The following KTN1 variants were observed in gnomAD, a reference collection of about 807,000 sequenced individuals.
The protein encoded by KTN1 is kinectin.
KTN1 carries 130 observed loss-of-function variants against 222.5 expected under a neutral mutation model. The ratio of observed to expected loss-of-function variants is 0.58; its 90% CI spans 0.51 to 0.68. The LOEUF (loss-of-function observed/expected upper bound fraction) is 0.68, where lower values mean the gene tolerates loss of function less well. Among genes scored for constraint, KTN1 ranks in the 30% least tolerant of loss-of-function variants. KTN1 has a pLI of 0.00. For synonymous variants in KTN1, 512 were observed against 496.3 expected (o/e 1.03, Z -0.42); for missense variants, 1,508 against 1,500.4 (o/e 1.01, Z -0.08).
At chr14:55,616,123 G>A (rs537333786) in intron 2 of KTN1, among the ~76,000 whole-genome samples, 5 of 152,006 alleles carry the variant, frequency 3.3e-5, no homozygotes, top group Admixed American at 2.6e-4. Context: ...TAGAGATGAG[G>A]TTTCACCACT....
At chr14:55,641,232 C>G (rs762302180) in intron 17 of KTN1, 24 bp downstream of exon 17, 1 of 1,406,882 alleles carries the variant, frequency 7.1e-7, no homozygotes, top group Non-Finnish European at 9.8e-7. Context: ...CTTGTACACT[C>G]AGGTTTCTTA....
chr14:55,610,104 C>T (rs1043475731), intron 1 of KTN1, among the ~76,000 whole-genome samples: 20 of 152,104 alleles, frequency 1.3e-4, no homozygotes, highest in African/African-American at 4.1e-4. Flanking sequence ...TAGGGTATAA[C>T]TAATACTATT....
chr14:55,622,305 A>T (rs180991638), intron 5 of KTN1, among the ~76,000 whole-genome samples: 4 of 152,152 alleles, frequency 2.6e-5, no homozygotes, highest in African/African-American at 9.7e-5. Flanking sequence ...CCTCAGGACT[A>T]TTGTTGTGGG....
At chr14:55,643,416 A>C (rs946521212) in intron 18 of KTN1, among the ~76,000 whole-genome samples, 8 of 152,256 alleles carry the variant, frequency 5.3e-5, no homozygotes, top group African/African-American at 1.7e-4. Flanking sequence ...AACATTGGTG[A>C]CTTGGATTAG....
chr14:55,629,370 A>T (rs1328979732), intron 6 of KTN1, among the ~76,000 whole-genome samples: 1 of 148,578 alleles, frequency 6.7e-6, no homozygotes, highest in Non-Finnish European at 1.5e-5. Flanking sequence ...GTGAGCCGAG[A>T]TCACGCCACT....
chr14:55,631,353 T>G (rs941506572), intron 7 of KTN1, among the ~76,000 whole-genome samples: 4 of 142,240 alleles, frequency 2.8e-5, no homozygotes, highest in Non-Finnish European at 4.5e-5. Context: ...TATATATATA[T>G]ATATATATAT....
chr14:55,595,402 T>C (rs2034853904), intron 1 of KTN1, among the ~76,000 whole-genome samples: 2 of 152,234 alleles, frequency 1.3e-5, no homozygotes, highest in African/African-American at 4.8e-5. Context: ...CTTAGTAATG[T>C]GGTGTTCCAG....
At chr14:55,616,737 T>G in intron 3 of KTN1, 83 bp downstream of exon 3, 3 of 1,096,902 alleles carry the variant, frequency 2.7e-6, no homozygotes, top group Non-Finnish European at 3.9e-6. Flanking sequence ...TCACACGCTC[T>G]TTAGCTCCCA....
In KTN1 at chr14:55,657,309, G is replaced by A. The variant is rs997697793; in HGVS notation, c.2892+1177G>A. ...TTATTTTTAATTTGCATTTGACTGC[G>A]AGAGAAGTTAAGCATTTTTCGTATG... On this transcript the variant is annotated intron_variant, in intron 29 of 43. Transcript: ENST00000395314. 4.0e-5 allele frequency among the ~76,000 whole-genome samples: 6 copies of A among 151,686 alleles called. No individual in the cohort carries two copies. In the South Asian group the frequency reaches 1.0e-3, roughly 26 times the overall value.
chr14:55,614,661 A>ATC (rs533540605), intron 2 of KTN1, among the ~76,000 whole-genome samples: 61 of 152,368 alleles, frequency 4.0e-4, no homozygotes, highest in African/African-American at 1.5e-3. Flanking sequence ...AAGTGTTTTT[A>ATC]TATGCAGCTA....
chr14:55,647,587 C>T (rs1247928049), intron 19 of KTN1, among the ~76,000 whole-genome samples: 1 of 121,404 alleles, frequency 8.2e-6, no homozygotes, highest in Non-Finnish European at 1.6e-5. Context: ...GAGCCGAAAT[C>T]ATGCCATTGC....
Position 55,658,575 on chromosome 14 carries a change from G to C in KTN1, c.2922G>C (p.Lys974Asn), listed in dbSNP as rs370457834. 3 of 1,603,896 alleles carry C rather than the reference G, an allele frequency of 1.9e-6. No homozygotes were observed. The highest frequency in any genetic ancestry group is 2.6e-6 in the Non-Finnish European group (3 of 1,172,214). The change falls in exon 30 of 44, where the codon AAG becomes AAC. Residue 974 changes from lysine (K) to asparagine (N), a missense_variant. By Grantham distance (94) the Lys-to-Asn change is moderately conservative. Transcript: ENST00000395314. The part of the protein sequence containing the change: ...QDVQDENKLF[K>N]SQIEQLKQQN... The stretch of plus-strand genomic sequence containing the variant: ...TACAAGATGAAAACAAATTGTTTAA[G>C]TCCCAAATTGAGCAGCTTAAACAAC...
At position 55,679,690 on chromosome 14, in the gene KTN1, G is replaced by A. The variant is rs2046197506; in HGVS notation, c.4069+5G>A. ...AAGAGCACTACCAGGTGTTAGGTAA[G>A]GACAACTGAAATATTGCTGTCTATG... On this transcript the variant is annotated splice_donor_5th_base_variant and intron_variant, in intron 43 of 43. Coordinates refer to ENST00000395314, the MANE Select transcript of KTN1 (RefSeq NM_001079521.2). 6.2e-7 allele frequency: 1 copy of A among 1,613,256 alleles called. No individual in the cohort carries two copies. Among genetic ancestry groups the A allele is most frequent in the African/African-American group, 1.3e-5 (1 of 74,884 alleles).
chr14:55,612,546 G>T lies in KTN1; in HGVS notation c.498G>T (p.Gly166=), dbSNP rs1481745901. 1.3e-6 allele frequency: 2 copies of T among 1,585,816 alleles called. No individual in the cohort carries two copies. The highest frequency in any genetic ancestry group is 3.9e-5 in the Admixed American group (2 of 50,830). ...CAGCTGCCTCGAAGAAGAAACCAGGGCAGAAGAAGTCTAAAAATGGAAGCG... is the reference window on the plus strand; with the variant it reads ...CAGCTGCCTCGAAGAAGAAACCAGGTCAGAAGAAGTCTAAAAATGGAAGCG... The part of the protein sequence containing the change: ...SEAAASKKKP[G]QKKSKNGSDD... The change falls in exon 2 of 44, where the codon GGG becomes GGT. Residue 166 remains glycine (G), a synonymous_variant. Transcript: ENST00000395314.
chr14:55,589,456 C>A (rs1277649360), intron 1 of KTN1, among the ~76,000 whole-genome samples: 1 of 151,704 alleles, frequency 6.6e-6, no homozygotes, highest in East Asian at 1.9e-4. Flanking sequence ...ATTACAGGCA[C>A]CTGCCACCAA....
At chr14:55,639,063 GA>G (rs2041469225) in intron 12 of KTN1, 121 bp from the exon 13 acceptor site, 1 of 633,652 alleles carries the variant, frequency 1.6e-6, no homozygotes. Context: ...CCATGGGCCA[GA>G]TACTTTCATA....
At position 55,681,097 on chromosome 14, in the gene KTN1, CTCTA is replaced by C. The variant is rs1322890044; in HGVS notation, c.4069+1417_4069+1420del. The C allele has an allele frequency of 3.2e-5, 6 of 189,152 alleles. No individual in the cohort carries two copies. In the South Asian group the frequency reaches 3.3e-4, roughly 10 times the overall value. The allele number at this position is 189,152 out of a possible 1,614,324, so 11.7% of individuals were successfully genotyped here. A position where few individuals can be genotyped will look rare whatever the true frequency, so the allele number is the denominator to read the frequency against. On this transcript the variant is annotated intron_variant, in intron 43 of 43. Coordinates refer to ENST00000395314, the MANE Select transcript of KTN1 (RefSeq NM_001079521.2). ...TATTTAGTATTCTTAAGAAAATACT[CTCTA>C]TCTACTTATTTATTGTTATTGATTA...
intron 1 of KTN1, among the ~76,000 whole-genome samples, chr14:55,607,817 G>C (rs1337868421): frequency 6.6e-6 from 1 of 152,180 alleles, no homozygotes; most frequent in Non-Finnish European, 1.5e-5. Flanking sequence ...TCTGGAGTTT[G>C]ATGCTGCAAT....
chr14:55,602,995 G>C (rs1044271452), intron 1 of KTN1, among the ~76,000 whole-genome samples: 1 of 152,100 alleles, frequency 6.6e-6, no homozygotes, highest in Non-Finnish European at 1.5e-5. Context: ...CTCCTTTCCT[G>C]TCCTGGGTCT....
Sources: allele counts gnomAD v4.1 joint callset (sites outside exome capture counted in the v4.1 genomes callset), GRCh38; gene constraint gnomAD v4.1.1; transcripts MANE v1.5; gene names NCBI Gene and HGNC (gene_info 2026-07-23, HGNC 2026-07-21).